The following ARHGAP20 variants were observed in gnomAD, a reference collection of about 807,000 sequenced individuals.
ARHGAP20 encodes rho GTPase-activating protein 20.
In ARHGAP20, 34 loss-of-function variants were observed where a neutral mutation model predicts 73.7. That is an observed-to-expected ratio of 0.46 (90% CI 0.35 to 0.61). ARHGAP20 has a LOEUF of 0.61. ARHGAP20 is among the 20% of genes least tolerant of loss of function. ARHGAP20 has a pLI of 0.00. For missense variants in ARHGAP20, 1,314 were observed against 1,420.9 expected (o/e 0.92, Z 1.21); for synonymous variants, 523 against 518.2 (o/e 1.01, Z -0.13).
intron 2 of ARHGAP20, among the ~76,000 whole-genome samples, chr11:110,648,519 C>G (rs1024229100): frequency 1.4e-5 from 2 of 145,376 alleles, no homozygotes; most frequent in Non-Finnish European, 3.0e-5. Flanking sequence ...GAGTCTCACT[C>G]TGTTGCCCAG....
At position 110,704,002 on chromosome 11, in the gene ARHGAP20, C is replaced by T. The variant is rs147753934; in HGVS notation, c.105+8125G>A. Among the ~76,000 whole-genome samples, 299 of 152,272 alleles carry T rather than the reference C, an allele frequency of 2.0e-3. 1 individual carries two copies. The highest frequency in any genetic ancestry group is 3.2e-3 in the Admixed American group (49 of 15,300). On this transcript the variant is annotated intron_variant, in intron 1 of 14. Transcript: ENST00000683387. Reference sequence around the variant, plus strand: ...CAAGAGGCTAATTGTCAGACACAACCGCAACAGTTGGGAAGCTTTGCCTTA... The same window carrying T: ...CAAGAGGCTAATTGTCAGACACAACTGCAACAGTTGGGAAGCTTTGCCTTA...
chr11:110,684,872 G>GGGAACACAT (rs71057021), intron 2 of ARHGAP20, among the ~76,000 whole-genome samples: 45,437 of 151,678 alleles, frequency 0.3, 7,476 homozygotes, highest in African/African-American at 0.46. Context: ...AGGAAACAAT[G>GGGAACACAT]GGACAGAAAC....
At chr11:110,696,289 T>C (rs1388706513) in intron 1 of ARHGAP20, among the ~76,000 whole-genome samples, 2 of 151,588 alleles carry the variant, frequency 1.3e-5, no homozygotes, top group African/African-American at 4.8e-5. Flanking sequence ...CCGCTGAACA[T>C]AACTTTAGGT....
At chr11:110,622,787 G>A (rs868504249) in intron 4 of ARHGAP20, among the ~76,000 whole-genome samples, 18 of 152,068 alleles carry the variant, frequency 1.2e-4, no homozygotes, top group African/African-American at 4.3e-4. Context: ...AAGATCACAA[G>A]GTTAATTGTT....
chr11:110,606,934 T>C (rs1025357399), intron 8 of ARHGAP20, among the ~76,000 whole-genome samples, 185 bp from the exon 9 acceptor site: 10 of 152,024 alleles, frequency 6.6e-5, no homozygotes, highest in East Asian at 3.9e-4. Context: ...CCTACCAAAG[T>C]AGTTTTAAGG....
intron 2 of ARHGAP20, among the ~76,000 whole-genome samples, chr11:110,674,457 G>A (rs1949892011): frequency 6.6e-6 from 1 of 151,946 alleles, no homozygotes; most frequent in Admixed American, 6.6e-5. Flanking sequence ...TGGCATAAGT[G>A]GAAAATCCCA....
chr11:110,587,231 TATGGC>T (rs1174922441), intron 11 of ARHGAP20, among the ~76,000 whole-genome samples: 2 of 152,224 alleles, frequency 1.3e-5, no homozygotes, highest in African/African-American at 4.8e-5. Context: ...TTGCTTTTGG[TATGGC>T]ATTACCAAGG....
chr11:110,702,116 C>T (rs1950464615), intron 1 of ARHGAP20, among the ~76,000 whole-genome samples: 1 of 151,970 alleles, frequency 6.6e-6, no homozygotes, highest in South Asian at 2.1e-4. Context: ...CCTTGATGAA[C>T]ACTGATGCAA....
intron 9 of ARHGAP20, among the ~76,000 whole-genome samples, chr11:110,597,294 T>TAA (rs35017824): frequency 0.21 from 29,437 of 142,456 alleles, 3,651 homozygotes; most frequent in African/African-American, 0.36. Flanking sequence ...ATAATAAAAT[T>TAA]AAAAAAAAAA....
intron 3 of ARHGAP20, among the ~76,000 whole-genome samples, chr11:110,626,091 T>TTTTCCACCCTATTATTTAA (rs1948738468): frequency 6.6e-6 from 1 of 152,224 alleles, no homozygotes; most frequent in African/African-American, 2.4e-5. Flanking sequence ...CCTATTGTTA[T>TTTTCCACCCTATTATTTAA]GAATCTTTAG....
chr11:110,609,945 GTC>G (rs1041877741), intron 7 of ARHGAP20, among the ~76,000 whole-genome samples: 3 of 152,044 alleles, frequency 2.0e-5, no homozygotes, highest in Non-Finnish European at 4.4e-5. Flanking sequence ...TTTATATAGT[GTC>G]TGAAAACACT....
At chr11:110,658,572 C>T (rs1340851394) in intron 2 of ARHGAP20, among the ~76,000 whole-genome samples, 1 of 152,162 alleles carries the variant, frequency 6.6e-6, no homozygotes. Flanking sequence ...ATCTGTTTCT[C>T]TGCCTCTATG....
At position 110,583,595 on chromosome 11, in the gene ARHGAP20, G is replaced by T; in HGVS notation, c.1558C>A (p.Pro520Thr). ...AVCVAPSILWPPASSSPELEN... is the reference protein window; with the variant it reads ...AVCVAPSILWTPASSSPELEN... ...AGTTCTGGGCTGGAGGAAGCAGGAG[G>T]CCAAAGAATACTTGGAGCGACACAC... Residue 520 changes from proline to threonine, a missense_variant, in exon 13 of 15, where the codon CCT (proline) becomes ACT (threonine). By Grantham distance (38) the Pro-to-Thr change is conservative. Around this residue, in one of 3 missense-constraint regions of ARHGAP20, gnomAD observed 230 missense variants for 317.6 expected, o/e 0.72. Coordinates refer to ENST00000683387, the MANE Select transcript of ARHGAP20 (RefSeq NM_001384657.1). The T allele has an allele frequency of 1.2e-6, 2 of 1,611,582 alleles. No individual in the cohort carries two copies. The highest frequency in any genetic ancestry group is 1.7e-6 in the Non-Finnish European group (2 of 1,178,528).
intron 2 of ARHGAP20, among the ~76,000 whole-genome samples, chr11:110,674,942 T>C (rs1949901969): frequency 6.6e-6 from 1 of 152,212 alleles, no homozygotes; most frequent in Admixed American, 6.5e-5. Flanking sequence ...TATTATACTT[T>C]AAGTTCTGGG....
At chr11:110,648,440 T>C (rs897574093) in intron 2 of ARHGAP20, among the ~76,000 whole-genome samples, 1 of 150,486 alleles carries the variant, frequency 6.6e-6, no homozygotes, top group African/African-American at 2.4e-5. Flanking sequence ...TAATTATGAT[T>C]AGGGACAGAA....
chr11:110,627,866 G>C (rs1948778662), intron 3 of ARHGAP20, among the ~76,000 whole-genome samples: 1 of 152,050 alleles, frequency 6.6e-6, no homozygotes, highest in Non-Finnish European at 1.5e-5. Context: ...TGATTTTATT[G>C]GAAAAGTAAC....
At chr11:110,687,339 T>C (rs1394537164) in intron 2 of ARHGAP20, among the ~76,000 whole-genome samples, 1 of 152,110 alleles carries the variant, frequency 6.6e-6, no homozygotes. Context: ...TGTGCCACTA[T>C]GTCCAGCCAA....
chr11:110,631,569 G>T (rs917652454), intron 2 of ARHGAP20, among the ~76,000 whole-genome samples: 1 of 152,164 alleles, frequency 6.6e-6, no homozygotes, highest in Non-Finnish European at 1.5e-5. Context: ...GCTGGCCACT[G>T]AAAAGAGAGT....
rs758915435 is a variant in ARHGAP20 at position 110,580,161 on chromosome 11, G to C, written c.2785C>G (p.Leu929Val). ...TEKVLPPRLNLCPRTSYSSLS... is the reference protein window; with the variant it reads ...TEKVLPPRLNVCPRTSYSSLS... Reference sequence around the variant, plus strand: ...CTGGAATAGCTGGTCCTTGGGCAAAGGTTTAATCTTGGGGGTAAAACCTTC... The same window carrying C: ...CTGGAATAGCTGGTCCTTGGGCAAACGTTTAATCTTGGGGGTAAAACCTTC... The change falls in exon 15 of 15, where the codon CTT becomes GTT. Residue 929 changes from leucine (L) to valine (V), a missense_variant. Leu to Val is a conservative substitution (Grantham distance 32). Transcript: ENST00000683387. 2 of 1,614,078 alleles carry C rather than the reference G, an allele frequency of 1.2e-6. No individual in the cohort carries two copies. The highest frequency in any genetic ancestry group is 1.7e-5 in the Admixed American group (1 of 60,014).
Sources: allele counts gnomAD v4.1 joint callset (sites outside exome capture counted in the v4.1 genomes callset), GRCh38; gene constraint gnomAD v4.1.1; regional missense constraint gnomAD v4.1.1; transcripts MANE v1.5; gene names NCBI Gene and HGNC (gene_info 2026-07-23, HGNC 2026-07-21).